The following SGMS1 variants were observed in gnomAD, a reference collection of about 807,000 sequenced individuals.
SGMS1 encodes sphingomyelin synthase 1, also known as phosphatidylcholine:ceramide cholinephosphotransferase 1.
Under a neutral mutation model 46.2 loss-of-function variants are expected in SGMS1, and 13 were observed. The ratio of observed to expected loss-of-function variants is 0.28; its 90% confidence interval spans 0.18 to 0.45. The LOEUF (loss-of-function observed/expected upper bound fraction) is 0.45, where lower values mean the gene tolerates loss of function less well. SGMS1 is among the 20% of genes least tolerant of loss of function. SGMS1 has a pLI of 1.00. For missense variants in SGMS1, 324 were observed against 519.9 expected (o/e 0.62, Z 3.66); for synonymous variants, 203 against 187.8 (o/e 1.08, Z -0.66).
At chr10:50,372,512 G>T (rs1848453497) in intron 6 of SGMS1, among the ~76,000 whole-genome samples, 1 of 152,128 alleles carries the variant, frequency 6.6e-6, no homozygotes, top group Non-Finnish European at 1.5e-5. Flanking sequence ...GGCTAACATG[G>T]TGAAACGCCA....
Position 50,305,939 on chromosome 10 carries a change from C to T in SGMS1, c.*1203G>A, listed in dbSNP as rs919041610. On this transcript the variant is annotated 3_prime_UTR_variant, in exon 11 of 11. Transcript: ENST00000361781. ...AAACATATGTATGTTAGGAGTAAAA[C>T]TTAGAGTTACATGCAGTTTCTGCAC... The T allele has an allele frequency of 6.6e-6, 1 of 152,614 alleles. No homozygotes were observed. Among genetic ancestry groups the T allele is most frequent in the African/African-American group, 2.4e-5 (1 of 41,420 alleles). The allele number at this position is 152,614 out of a possible 1,614,324, so 9.5% of individuals were successfully genotyped here.
At chr10:50,441,058 G>A (rs1015373321) in intron 5 of SGMS1, among the ~76,000 whole-genome samples, 10 of 152,190 alleles carry the variant, frequency 6.6e-5, no homozygotes, top group African/African-American at 2.4e-4. Context: ...TTCGGCAAAC[G>A]ACATTGCATG....
At chr10:50,572,441 T>A (rs2131860005) in intron 2 of SGMS1, among the ~76,000 whole-genome samples, 1 of 152,282 alleles carries the variant, frequency 6.6e-6, no homozygotes, top group South Asian at 2.1e-4. Flanking sequence ...CAGAATTCAC[T>A]GTTTCAAATG....
chr10:50,513,338 C>T (rs1257024207), intron 3 of SGMS1, among the ~76,000 whole-genome samples: 1 of 152,142 alleles, frequency 6.6e-6, no homozygotes, highest in Non-Finnish European at 1.5e-5. Context: ...TTGGAAAGGT[C>T]ACCAGACACT....
intron 1 of SGMS1, among the ~76,000 whole-genome samples, chr10:50,623,180 G>A (rs1838872219): frequency 3.9e-5 from 6 of 152,056 alleles, no homozygotes; most frequent in Admixed American, 2.6e-4. Flanking sequence ...ACGGTGGGGG[G>A]ATCCCGAAAT....
upstream of SGMS1, chr10:50,624,040 GGGGGGGCGGGCCGGCCGGGCGGGGTCCGC>G (rs1259287381): frequency 1.0e-6 from 1 of 984,842 alleles, no homozygotes; most frequent in Admixed American, 6.2e-5. Context: ...CACTGCGGCC[GGGGGGGCGGGCCGGCCGGGCGGGGTCCGC>G]GGGGGGCTCC....
rs1193728266 is a variant in SGMS1, at chr10:50,515,125, C to T, written c.-498+4706G>A. ...TTTGTGAGAATGGAGCAAAATGTTA[C>T]AAATGGCCAAGTGTCCCAGTGCCAA... On this transcript the variant is annotated intron_variant, in intron 3 of 10. Coordinates refer to ENST00000361781, the MANE Select transcript of SGMS1 (RefSeq NM_147156.4). Among the ~76,000 whole-genome samples, 7 of 152,280 alleles carry T rather than the reference C, an allele frequency of 4.6e-5. 1 individual carries two copies. In the South Asian group the frequency reaches 1.4e-3, roughly 32 times the overall value.
intron 6 of SGMS1, among the ~76,000 whole-genome samples, chr10:50,361,592 G>A (rs1366432413): frequency 6.6e-6 from 1 of 152,196 alleles, no homozygotes; most frequent in Non-Finnish European, 1.5e-5. Flanking sequence ...ATTGCCCCTT[G>A]CAACTTCACT....
chr10:50,567,761 C>T (rs975498273), intron 2 of SGMS1, among the ~76,000 whole-genome samples: 4 of 152,202 alleles, frequency 2.6e-5, no homozygotes, highest in Non-Finnish European at 5.9e-5. Context: ...CATAGACACT[C>T]ACATGCACAC....
chr10:50,453,183 A>G (rs1588834499), intron 5 of SGMS1, among the ~76,000 whole-genome samples: 1 of 152,192 alleles, frequency 6.6e-6, no homozygotes, highest in Non-Finnish European at 1.5e-5. Flanking sequence ...GAATACTAGA[A>G]TTATCAGCAT....
intron 5 of SGMS1, among the ~76,000 whole-genome samples, chr10:50,451,310 G>C (rs543440347): frequency 1.8e-4 from 28 of 152,248 alleles, no homozygotes; most frequent in African/African-American, 6.7e-4. Flanking sequence ...TGTTTACCAT[G>C]TTATGTTTCT....
intron 6 of SGMS1, among the ~76,000 whole-genome samples, chr10:50,350,902 G>C (rs930154642): frequency 2.0e-5 from 3 of 152,154 alleles, no homozygotes; most frequent in Non-Finnish European, 2.9e-5. Flanking sequence ...GTTCCTACTG[G>C]GGTACTGCCT....
At chr10:50,414,054 C>T (rs976858408) in intron 6 of SGMS1, among the ~76,000 whole-genome samples, 8 of 152,276 alleles carry the variant, frequency 5.3e-5, no homozygotes, top group South Asian at 2.1e-4. Context: ...AAGGTGAAGA[C>T]GCCTATTGTT....
intron 2 of SGMS1, among the ~76,000 whole-genome samples, chr10:50,589,058 G>A (rs1297822129): frequency 6.6e-6 from 1 of 152,040 alleles, no homozygotes; most frequent in Non-Finnish European, 1.5e-5. Flanking sequence ...CTTGATCAGG[G>A]AGAAGGTGAG....
intron 6 of SGMS1, among the ~76,000 whole-genome samples, chr10:50,395,500 A>C (rs1156473422): frequency 6.6e-6 from 1 of 152,116 alleles, no homozygotes; most frequent in Non-Finnish European, 1.5e-5. Context: ...GCTTACCAAG[A>C]CTCACTGTAT....
At chr10:50,457,977 C>A (rs556369522) in intron 5 of SGMS1, among the ~76,000 whole-genome samples, 1 of 152,284 alleles carries the variant, frequency 6.6e-6, no homozygotes. Context: ...GGTGAGTCGA[C>A]CCTAATTGCT....
At chr10:50,416,275 C>G (rs1849168097) in intron 6 of SGMS1, among the ~76,000 whole-genome samples, 2 of 152,294 alleles carry the variant, frequency 1.3e-5, no homozygotes, top group Admixed American at 6.5e-5. Context: ...CCAACATAAA[C>G]TAAATTAACT....
intron 7 of SGMS1, chr10:50,341,252 A>T (rs1003131065): frequency 6.7e-6 from 3 of 448,084 alleles, no homozygotes; most frequent in African/African-American, 6.0e-5. Context: ...TAGTTTATCC[A>T]TCTTCACTGC....
At chr10:50,328,161 C>T (rs1847559119) in intron 7 of SGMS1, 1 of 272,922 alleles carries the variant, frequency 3.7e-6, no homozygotes, top group Non-Finnish European at 7.2e-6. Flanking sequence ...TAGATAACGT[C>T]TCCTAATATA....
Sources: gnomAD v4.1 joint callset for allele counts (sites outside exome capture counted in the v4.1 genomes callset) on GRCh38, gnomAD v4.1.1 for gene constraint, MANE v1.5 for transcripts, NCBI Gene and HGNC (gene_info 2026-07-23, HGNC 2026-07-21) for gene names.